Variants in ARAP2 observed in about 807,000 individuals in gnomAD.
The protein encoded by ARAP2 is ArfGAP with RhoGAP domain, ankyrin repeat and PH domain 2.
ARAP2 carries 148 observed loss-of-function variants against 194.5 expected under a neutral mutation model. The ratio of observed to expected loss-of-function variants is 0.76; its 90% CI spans 0.67 to 0.87. The LOEUF (loss-of-function observed/expected upper bound fraction) is 0.87. ARAP2 is among the 40% of genes least tolerant of loss of function. The pLI is 0.00. For missense variants in ARAP2, 2,128 were observed against 1,989.7 expected, an observed-to-expected ratio of 1.07 and a Z score of -1.32; for synonymous variants, 695 against 683.5, an observed-to-expected ratio of 1.02 and a Z score of -0.26.
chr4:36,122,806 G>C (rs769923739), intron 22 of ARAP2, among the ~76,000 whole-genome samples: 1 of 151,554 alleles, frequency 6.6e-6, no homozygotes, highest in South Asian at 2.1e-4. Flanking sequence ...CCCTAAGAAA[G>C]GGAAAGTTAC....
intron 31 of ARAP2, 88 bp from the exon 32 acceptor site, chr4:36,073,911 A>C: frequency 6.9e-7 from 1 of 1,442,520 alleles, no homozygotes; most frequent in Non-Finnish European, 9.5e-7. Context: ...TTTCCCACAT[A>C]TCCACATCAA....
intron 2 of ARAP2, among the ~76,000 whole-genome samples, chr4:36,057,745 TTGTC>T (rs1723760636): frequency 6.6e-6 from 1 of 152,130 alleles, no homozygotes; most frequent in South Asian, 2.1e-4. Context: ...TCTGTATTTT[TTGTC>T]TATTTTCTTG....
chr4:36,212,745 A>G (rs1056628689), intron 4 of ARAP2, among the ~76,000 whole-genome samples: 1 of 152,018 alleles, frequency 6.6e-6, no homozygotes, highest in Non-Finnish European at 1.5e-5. Flanking sequence ...GGTAACCAAA[A>G]ATAAAATTTA....
chr4:36,180,046 G>A (rs1738869722), intron 8 of ARAP2, among the ~76,000 whole-genome samples: 1 of 152,190 alleles, frequency 6.6e-6, no homozygotes, highest in Non-Finnish European at 1.5e-5. Context: ...GCCAAGAGGG[G>A]AGGAACATTT....
chr4:36,210,618 T>C lies in ARAP2; in HGVS notation c.1259A>G (p.Glu420Gly). ...ASESEYSTVE[E>G]CFQSLRRKNS... ...TTTTCTTCTTAAACTCTGAAAGCAT[T>C]CTTCTACTGTTGAGTATTCTGATTC... Residue 420 changes from glutamate to glycine, a missense_variant, in exon 6 of 33, where the codon GAA becomes GGA. Transcript: ENST00000303965. 6.2e-7 allele frequency: 1 copy of C among 1,613,932 alleles called. No homozygotes were observed. The highest frequency in any genetic ancestry group is 8.5e-7 in the Non-Finnish European group (1 of 1,179,882).
At chr4:36,109,637 G>C (rs1327154445) in intron 26 of ARAP2, among the ~76,000 whole-genome samples, 1 of 151,844 alleles carries the variant, frequency 6.6e-6, no homozygotes, top group Admixed American at 6.6e-5. Flanking sequence ...TAAGTTTGTT[G>C]TCTTCTAATT....
chr4:36,233,166 C>T (rs1751833172), intron 1 of ARAP2, among the ~76,000 whole-genome samples: 1 of 152,156 alleles, frequency 6.6e-6, no homozygotes, highest in Non-Finnish European at 1.5e-5. Flanking sequence ...TTCACAGATC[C>T]AATTCTTAGA....
At chr4:36,124,236 A>G (rs1403237075) in intron 22 of ARAP2, among the ~76,000 whole-genome samples, 1 of 151,870 alleles carries the variant, frequency 6.6e-6, no homozygotes, top group Non-Finnish European at 1.5e-5. Context: ...TATTTCATCC[A>G]TTCAGGGAGC....
intron 5 of ARAP2, among the ~76,000 whole-genome samples, chr4:36,025,520 C>T (rs1717747075): frequency 6.6e-6 from 1 of 152,132 alleles, no homozygotes; most frequent in East Asian, 1.9e-4. Context: ...TGTTGTCACA[C>T]AAACTGGATC....
At chr4:36,120,774 C>T (rs1158599251) in intron 23 of ARAP2, among the ~76,000 whole-genome samples, 2 of 151,294 alleles carry the variant, frequency 1.3e-5, no homozygotes, top group South Asian at 2.1e-4. Context: ...TATTTGTTTC[C>T]AACTGGGGAC....
At chr4:36,023,758 A>G (rs1278106936) in intron 5 of ARAP2, among the ~76,000 whole-genome samples, 2 of 152,208 alleles carry the variant, frequency 1.3e-5, no homozygotes, top group African/African-American at 2.4e-5. Flanking sequence ...AGTGCTGAAA[A>G]GCAAGCGGGA....
chr4:36,106,788 T>C (rs1718528687), intron 27 of ARAP2, among the ~76,000 whole-genome samples: 1 of 151,950 alleles, frequency 6.6e-6, no homozygotes, highest in Non-Finnish European at 1.5e-5. Flanking sequence ...AAACTTTAAA[T>C]GAGCTTTGGT....
chr4:36,160,616 C>T lies in ARAP2; in HGVS notation c.2285G>A (p.Arg762Lys), dbSNP rs979355718. The T allele has an allele frequency of 6.8e-7, 1 of 1,472,372 alleles. No individual in the cohort carries two copies. The highest frequency in any genetic ancestry group is 8.9e-7 in the Non-Finnish European group (1 of 1,121,182). The allele number at this position is 1,472,372 out of a possible 1,614,324, so 91.2% of individuals were successfully genotyped here. A position where few individuals can be genotyped will look rare whatever the true frequency, so the allele number is the denominator to read the frequency against. Residue 762 changes from arginine to lysine, a missense_variant, in exon 13 of 33, where the codon AGA becomes AAA. Coordinates refer to ENST00000303965, the MANE Select transcript of ARAP2 (RefSeq NM_015230.4). ...ATTACCAGCCCAAAAGTCATTTGCT[C>T]TTTTGTTTCCAATGACAATAAAAAG... Reference protein sequence around the residue: ...IELFIVIGNKRANDFWAGNLQ... With the variant: ...IELFIVIGNKKANDFWAGNLQ...
chr4:36,091,943 T>C lies in ARAP2; in HGVS notation c.4363A>G (p.Lys1455Glu), dbSNP rs1418816823. Reference sequence around the variant, plus strand: ...AAAACAAAATACCGGTCTTGAAACTTATTTCCAGATAGTATTTTGGATGGT... The same window carrying C: ...AAAACAAAATACCGGTCTTGAAACTCATTTCCAGATAGTATTTTGGATGGT... ...EEPSKILSGN[K>E]FQDRYFVLRD... The change falls in exon 28 of 33, where the codon AAG (lysine) becomes GAG (glutamate). Residue 1455 changes from lysine to glutamate, a missense_variant. Physicochemically the swap from Lys to Glu is moderately conservative, Grantham distance 56. Transcript: ENST00000303965. 1.2e-6 allele frequency: 2 copies of C among 1,608,800 alleles called. No individual in the cohort carries two copies. Among genetic ancestry groups the C allele is most frequent in the South Asian group, 2.2e-5 (2 of 90,532 alleles).
chr4:36,086,322 G>A (rs1025093824), intron 28 of ARAP2, among the ~76,000 whole-genome samples: 2 of 152,006 alleles, frequency 1.3e-5, no homozygotes, highest in Non-Finnish European at 1.5e-5. Context: ...AAAACTTTTG[G>A]TAATAAGTAG....
intron 32 of ARAP2, among the ~76,000 whole-genome samples, chr4:36,073,195 G>T (rs1727441142): frequency 6.6e-6 from 1 of 152,062 alleles, no homozygotes; most frequent in Non-Finnish European, 1.5e-5. Flanking sequence ...ACAAACAGTA[G>T]CTTTCATGAA....
intron 5 of ARAP2, among the ~76,000 whole-genome samples, chr4:36,025,010 A>T (rs1717653296): frequency 6.6e-6 from 1 of 152,170 alleles, no homozygotes; most frequent in Non-Finnish European, 1.5e-5. Flanking sequence ...CAGAAAATGT[A>T]CTAGTCCCTT....
At chr4:36,155,283 C>T (rs1308869063) in intron 15 of ARAP2, among the ~76,000 whole-genome samples, 1 of 152,132 alleles carries the variant, frequency 6.6e-6, no homozygotes, top group Non-Finnish European at 1.5e-5. Flanking sequence ...TAAATGGAAA[C>T]AGGATCATCT....
At chr4:36,182,517 A>AAATAAATG (rs1739533626) in intron 8 of ARAP2, among the ~76,000 whole-genome samples, 1 of 151,310 alleles carries the variant, frequency 6.6e-6, no homozygotes, top group African/African-American at 2.4e-5. Context: ...ATAAATAAAT[A>AAATAAATG]AATAAATAAA....
Sources: allele counts gnomAD v4.1 joint callset (sites outside exome capture counted in the v4.1 genomes callset), GRCh38; gene constraint gnomAD v4.1.1; transcripts MANE v1.5; gene names NCBI Gene and HGNC (gene_info 2026-07-23, HGNC 2026-07-21).